Variants in NALF1 observed in about 807,000 individuals in gnomAD.
NALF1 encodes the protein NALCN channel auxiliary factor 1, also known as family with sequence similarity 155 member A.
Under a neutral mutation model 48.4 loss-of-function variants are expected in NALF1, and 3 were observed. The ratio of observed to expected loss-of-function variants is 0.06; its 90% CI spans 0.03 to 0.16. NALF1 has a LOEUF of 0.16. Ranked by LOEUF, NALF1 falls within the 10% of genes least tolerant of loss-of-function variation. The pLI is 1.00. For synonymous variants in NALF1, 262 were observed against 245.7 expected (o/e 1.07, Z -0.62); for missense variants, 526 against 571.5 (o/e 0.92, Z 0.81).
intron 1 of NALF1, among the ~76,000 whole-genome samples, chr13:107,637,592 A>G (rs113267058): frequency 1.3e-5 from 2 of 152,238 alleles, no homozygotes; most frequent in African/African-American, 4.8e-5. Flanking sequence ...CCTTTTTGCC[A>G]AAAAGTACTG....
intron 1 of NALF1, among the ~76,000 whole-genome samples, chr13:107,314,072 G>A (rs1190293595): frequency 1.3e-5 from 2 of 152,054 alleles, no homozygotes; most frequent in African/African-American, 4.8e-5. Flanking sequence ...TAACTTTACA[G>A]CAAAATTAGA....
chr13:107,283,222 G>A (rs1267099985), intron 1 of NALF1, among the ~76,000 whole-genome samples: 8 of 152,132 alleles, frequency 5.3e-5, no homozygotes, highest in Non-Finnish European at 1.2e-4. Flanking sequence ...TGGGAATAGG[G>A]AGAGGGTTGT....
intron 1 of NALF1, among the ~76,000 whole-genome samples, chr13:107,616,005 G>A (rs1321967671): frequency 6.6e-6 from 1 of 152,140 alleles, no homozygotes; most frequent in Admixed American, 6.5e-5. Context: ...ACTGGTTTGA[G>A]AATTAAATGA....
At chr13:107,291,597 TA>T (rs1881622416) in intron 1 of NALF1, among the ~76,000 whole-genome samples, 1 of 152,134 alleles carries the variant, frequency 6.6e-6, no homozygotes, top group Admixed American at 6.6e-5. Context: ...AGGTTAATTG[TA>T]AGCACTTCTT....
At chr13:107,211,229 T>C (rs769124268) in intron 1 of NALF1, among the ~76,000 whole-genome samples, 1 of 152,152 alleles carries the variant, frequency 6.6e-6, no homozygotes, top group African/African-American at 2.4e-5. Context: ...CCAGCAGGGG[T>C]TGGGAAACTG....
At chr13:107,732,783 A>T (rs985365622) in intron 1 of NALF1, among the ~76,000 whole-genome samples, 5 of 152,088 alleles carry the variant, frequency 3.3e-5, no homozygotes. Flanking sequence ...AGTAACATAA[A>T]CCTATTGCAA....
intron 1 of NALF1, among the ~76,000 whole-genome samples, chr13:107,452,577 G>A (rs73592760): frequency 0.028 from 4,207 of 152,108 alleles, 196 homozygotes; most frequent in African/African-American, 0.096. Context: ...GAGGATTATC[G>A]GGATTACAAT....
chr13:107,308,199 C>CTTTTT (rs772161115), intron 1 of NALF1, among the ~76,000 whole-genome samples: 18 of 98,182 alleles, frequency 1.8e-4, no homozygotes, highest in South Asian at 8.3e-4. Flanking sequence ...TGTGTCTATG[C>CTTTTT]TTTTTTTTTT....
chr13:107,435,216 C>T (rs937249340), intron 1 of NALF1, among the ~76,000 whole-genome samples: 27 of 152,134 alleles, frequency 1.8e-4, no homozygotes, highest in Middle Eastern at 6.8e-3. Context: ...AGGCATGTTC[C>T]TATAGGTCTG....
intron 1 of NALF1, among the ~76,000 whole-genome samples, chr13:107,837,622 G>A (rs1364121177): frequency 1.3e-5 from 2 of 152,120 alleles, no homozygotes; most frequent in East Asian, 3.9e-4. Context: ...AAGCTTGAGT[G>A]ACACAAATAA....
At chr13:107,544,203 T>G (rs1011579357) in intron 1 of NALF1, among the ~76,000 whole-genome samples, 2 of 152,136 alleles carry the variant, frequency 1.3e-5, no homozygotes, top group Admixed American at 1.3e-4. Context: ...TTCACTCACA[T>G]AAAGAGGTGG....
At chr13:107,479,788 C>T (rs1042048879) in intron 1 of NALF1, among the ~76,000 whole-genome samples, 13 of 152,244 alleles carry the variant, frequency 8.5e-5, no homozygotes, top group African/African-American at 2.9e-4. Flanking sequence ...GTATGACAGA[C>T]ATATTAGAAA....
chr13:107,863,895 C>A (rs1880642781), intron 1 of NALF1, among the ~76,000 whole-genome samples: 1 of 152,100 alleles, frequency 6.6e-6, no homozygotes, highest in Non-Finnish European at 1.5e-5. Context: ...TACAGACTGT[C>A]TTTTAAATAC....
chr13:107,262,921 A>G (rs1880962255), intron 1 of NALF1, among the ~76,000 whole-genome samples: 1 of 152,128 alleles, frequency 6.6e-6, no homozygotes, highest in African/African-American at 2.4e-5. Flanking sequence ...CCAGTGTGTG[A>G]GTATTTGGTT....
At chr13:107,511,136 G>A (rs1445649839) in intron 1 of NALF1, among the ~76,000 whole-genome samples, 1 of 152,176 alleles carries the variant, frequency 6.6e-6, no homozygotes, top group African/African-American at 2.4e-5. Context: ...TGTTCACAGT[G>A]ACACCGGATG....
intron 1 of NALF1, among the ~76,000 whole-genome samples, chr13:107,266,292 T>C (rs1881036584): frequency 6.6e-6 from 1 of 152,208 alleles, no homozygotes; most frequent in African/African-American, 2.4e-5. Context: ...TAAAGACCTA[T>C]CCCTATTATG....
intron 1 of NALF1, among the ~76,000 whole-genome samples, chr13:107,787,615 T>A (rs902943862): frequency 6.6e-6 from 1 of 152,262 alleles, no homozygotes; most frequent in Non-Finnish European, 1.5e-5. Flanking sequence ...GCTACCTGAC[T>A]CTTGCTACAT....
intron 1 of NALF1, among the ~76,000 whole-genome samples, chr13:107,701,057 T>C (rs1881806226): frequency 6.6e-6 from 1 of 152,124 alleles, no homozygotes; most frequent in Non-Finnish European, 1.5e-5. Flanking sequence ...GATACAGCCA[T>C]TGTGAAAAGC....
chr13:107,509,673 G>A (rs761946937), intron 1 of NALF1, among the ~76,000 whole-genome samples: 3 of 152,106 alleles, frequency 2.0e-5, no homozygotes, highest in Non-Finnish European at 4.4e-5. Context: ...AATACAATCA[G>A]AAGTCAGCAA....
Sources: gnomAD v4.1 joint callset for allele counts (sites outside exome capture counted in the v4.1 genomes callset) on GRCh38, gnomAD v4.1.1 for gene constraint, MANE v1.5 for transcripts, NCBI Gene and HGNC (gene_info 2026-07-23, HGNC 2026-07-21) for gene names.